Variants in PTPRN2 observed in about 807,000 individuals in gnomAD.
The protein encoded by PTPRN2 is protein tyrosine phosphatase receptor type N2, also known as receptor-type tyrosine-protein phosphatase N2.
In PTPRN2, 74 loss-of-function variants were observed where a neutral mutation model predicts 118.8. That is an observed-to-expected ratio of 0.62 (90% CI 0.52 to 0.76). The LOEUF (loss-of-function observed/expected upper bound fraction) is 0.76. PTPRN2 is among the 30% of genes least tolerant of loss of function. The pLI is 0.00. For synonymous variants in PTPRN2, 641 were observed against 608.0 expected (o/e 1.05, Z -0.80); for missense variants, 1,481 against 1,394.4 (o/e 1.06, Z -0.99).
chr7:157,657,899 CAG>C (rs1420622008), intron 13 of PTPRN2, among the ~76,000 whole-genome samples: 2 of 111,854 alleles, frequency 1.8e-5, no homozygotes, highest in Non-Finnish European at 4.1e-5. Context: ...ACACACATCA[CAG>C]ACACACACAC....
intron 5 of PTPRN2, among the ~76,000 whole-genome samples, chr7:158,188,636 C>T (rs1282207353): frequency 3.7e-5 from 5 of 136,314 alleles, no homozygotes; most frequent in Admixed American, 1.5e-4. Context: ...TGGGGAAGGC[C>T]GCCACGCTCG....
intron 1 of PTPRN2, among the ~76,000 whole-genome samples, chr7:158,500,927 G>A (rs1822314823): frequency 6.6e-6 from 1 of 152,258 alleles, no homozygotes; most frequent in Admixed American, 6.5e-5. Context: ...CGCTCCTCAC[G>A]CGGCGGGTCA....
At position 157,589,235 on chromosome 7, in the gene PTPRN2, G is replaced by T. The variant is rs148663062; in HGVS notation, c.2496+6003C>A. Among the ~76,000 whole-genome samples the T allele has an allele frequency of 2.7e-3, 404 of 152,288 alleles. 3 individuals carry two copies. The highest frequency in any genetic ancestry group is 9.2e-3 in the African/African-American group (384 of 41,564). The stretch of plus-strand genomic sequence containing the variant: ...GAGGCTCACGATGGCTTCATCGCAG[G>T]GTCAATGGCTCGGCCAAATGAGATC... On this transcript the variant is annotated intron_variant, in intron 17 of 22. Transcript: ENST00000389418.
intron 12 of PTPRN2, among the ~76,000 whole-genome samples, chr7:157,850,823 C>T (rs1052196332): frequency 3.4e-4 from 52 of 152,216 alleles, no homozygotes; most frequent in Admixed American, 3.3e-3. Context: ...TAAATTCATG[C>T]AGGATCAGGA....
At chr7:157,708,951 C>T (rs964800608) in intron 12 of PTPRN2, among the ~76,000 whole-genome samples, 9 of 152,350 alleles carry the variant, frequency 5.9e-5, no homozygotes, top group Middle Eastern at 3.4e-3. Context: ...TGCACCCCAC[C>T]GACTTTGAAA....
At chr7:158,502,957 T>C (rs929468763) in intron 1 of PTPRN2, among the ~76,000 whole-genome samples, 6 of 111,752 alleles carry the variant, frequency 5.4e-5, no homozygotes, top group East Asian at 7.2e-4. Context: ...GTCCATCAAC[T>C]ACTGTGTCCA....
At chr7:157,741,762 C>T (rs569327926) in intron 12 of PTPRN2, among the ~76,000 whole-genome samples, 3 of 152,286 alleles carry the variant, frequency 2.0e-5, no homozygotes, top group South Asian at 2.1e-4. Context: ...ATGTTGTGGA[C>T]ACTGCACCTG....
intron 1 of PTPRN2, among the ~76,000 whole-genome samples, chr7:158,498,808 C>T (rs1385167906): frequency 1.3e-5 from 2 of 152,196 alleles, no homozygotes; most frequent in Admixed American, 6.5e-5. Flanking sequence ...GAACTTCAAC[C>T]GGTAACTCTC....
chr7:158,091,820 T>TTGGG (rs1814165244), intron 10 of PTPRN2, among the ~76,000 whole-genome samples: 1 of 114,022 alleles, frequency 8.8e-6, no homozygotes, highest in African/African-American at 3.4e-5. Context: ...AGAGAGATGG[T>TTGGG]TGGGTGAGTG....
intron 3 of PTPRN2, among the ~76,000 whole-genome samples, chr7:158,263,070 C>T (rs1000569970): frequency 6.7e-6 from 1 of 148,548 alleles, no homozygotes; most frequent in Admixed American, 6.7e-5. Flanking sequence ...ATTGCACACA[C>T]ACATCACACA....
intron 2 of PTPRN2, among the ~76,000 whole-genome samples, chr7:158,342,861 G>A (rs139588611): frequency 2.6e-5 from 4 of 151,992 alleles, no homozygotes; most frequent in Non-Finnish European, 4.4e-5. Flanking sequence ...CCTCATCATC[G>A]TGCTCACTTG....
intron 11 of PTPRN2, among the ~76,000 whole-genome samples, chr7:157,945,884 G>T (rs757584134): frequency 6.6e-6 from 1 of 152,094 alleles, no homozygotes; most frequent in Non-Finnish European, 1.5e-5. Context: ...ACCAACAGCT[G>T]GGGCATTCTC....
intron 6 of PTPRN2, among the ~76,000 whole-genome samples, chr7:158,159,658 AT>A (rs369860884): frequency 0.24 from 37,060 of 152,122 alleles, 5,668 homozygotes; most frequent in Middle Eastern, 0.39. Context: ...CACCCCACAC[AT>A]TATTTGTCAT....
chr7:158,188,161 TGGGAAGGCCGCCACGCTCGCCCCGCGATG>T (rs1554576280), intron 5 of PTPRN2, among the ~76,000 whole-genome samples: 4 of 111,130 alleles, frequency 3.6e-5, no homozygotes, highest in Admixed American at 1.8e-4. Context: ...CCCCCTGTAC[TGGGAAGGCCGCCACGCTCGCCCCGCGATG>T]GGGAAGGCCG....
At chr7:158,158,658 G>A (rs1822072089) in intron 6 of PTPRN2, among the ~76,000 whole-genome samples, 2 of 133,168 alleles carry the variant, frequency 1.5e-5, no homozygotes, top group African/African-American at 5.6e-5. Flanking sequence ...CTTCGCAAGT[G>A]CTTTCTGAAT....
intron 5 of PTPRN2, among the ~76,000 whole-genome samples, chr7:158,188,700 C>G (rs368201844): frequency 6.8e-6 from 1 of 146,776 alleles, no homozygotes; most frequent in Non-Finnish European, 1.5e-5. Flanking sequence ...AAGGCCGCCA[C>G]GCCCGCCCCC....
At chr7:158,007,016 G>A (rs761775644) in intron 11 of PTPRN2, among the ~76,000 whole-genome samples, 8 of 152,148 alleles carry the variant, frequency 5.3e-5, no homozygotes, top group African/African-American at 1.9e-4. Flanking sequence ...TGAAGTCTGA[G>A]GTCCGGGCTT....
At chr7:158,112,996 T>C (rs1816414324) in intron 9 of PTPRN2, among the ~76,000 whole-genome samples, 1 of 150,806 alleles carries the variant, frequency 6.6e-6, no homozygotes, top group African/African-American at 2.4e-5. Flanking sequence ...CCCCAGCATT[T>C]AGGATCCCCC....
intron 3 of PTPRN2, among the ~76,000 whole-genome samples, chr7:158,262,549 A>G (rs933536183): frequency 6.9e-6 from 1 of 144,374 alleles, no homozygotes; most frequent in Non-Finnish European, 1.5e-5. Context: ...ACATTCACAC[A>G]CTGCACACAC....
Sources: gnomAD v4.1 joint callset for allele counts (sites outside exome capture counted in the v4.1 genomes callset) on GRCh38, gnomAD v4.1.1 for gene constraint, MANE v1.5 for transcripts, NCBI Gene and HGNC (gene_info 2026-07-23, HGNC 2026-07-21) for gene names.